Variants in KANK1 observed in about 807,000 individuals in gnomAD.
KANK1 encodes KN motif and ankyrin repeat domains 1, also known as KN motif and ankyrin repeat domain-containing protein 1.
In KANK1, 109 loss-of-function variants were observed where a neutral mutation model predicts 106.2. That is an observed-to-expected ratio of 1.03 (90% CI 0.88 to 1.20). KANK1 has a LOEUF of 1.20. Ranked by LOEUF, KANK1 falls within the 50% of genes most tolerant of loss-of-function variation. KANK1 has a pLI of 0.00. For missense variants in KANK1, 2,399 were observed against 1,710.7 expected, an observed-to-expected ratio of 1.40 and a Z score of -7.10; for synonymous variants, 873 against 652.2, an observed-to-expected ratio of 1.34 and a Z score of -5.16.
At chr9:489,282 G>A (rs554359359) in intron 3 of KANK1, among the ~76,000 whole-genome samples, 12 of 152,188 alleles carry the variant, frequency 7.9e-5, no homozygotes, top group African/African-American at 2.2e-4. Context: ...CTTTCTGATC[G>A]TTTTGCCAAG....
At chr9:478,037 A>G in intron 3 of KANK1, 1 of 172,148 alleles carries the variant, frequency 5.8e-6, no homozygotes, top group South Asian at 1.3e-4. Flanking sequence ...ATTACAATGA[A>G]ACTGACCATT....
chr9:537,755 G>C (rs1395807866), intron 1 of KANK1, among the ~76,000 whole-genome samples: 1 of 152,192 alleles, frequency 6.6e-6, no homozygotes, highest in Admixed American at 6.5e-5. Flanking sequence ...TTTTGGGGAG[G>C]GGTGCTACTG....
chr9:647,819 C>G (rs1192765665), intron 1 of KANK1, among the ~76,000 whole-genome samples: 1 of 150,282 alleles, frequency 6.7e-6, no homozygotes, highest in Non-Finnish European at 1.5e-5. Flanking sequence ...GCCCGCAATC[C>G]CAGATCTTCC....
intron 2 of KANK1, chr9:684,389 G>T (rs777336536): frequency 3.0e-6 from 3 of 985,208 alleles, no homozygotes; most frequent in Non-Finnish European, 3.6e-6. Context: ...CTTTATAGGT[G>T]CCAACAAGAA....
intron 8 of KANK1, 116 bp from the exon 9 acceptor site, chr9:740,676 C>G: frequency 8.7e-7 from 1 of 1,151,824 alleles, no homozygotes; most frequent in Non-Finnish European, 1.2e-6. Context: ...TGGTCTCCAG[C>G]CACCTGGTAC....
intron 1 of KANK1, among the ~76,000 whole-genome samples, chr9:650,119 G>C (rs1264608070): frequency 6.6e-6 from 1 of 152,126 alleles, no homozygotes; most frequent in Non-Finnish European, 1.5e-5. Context: ...TTACTTTACT[G>C]TTTTATTAAT....
At chr9:693,108 T>C (rs1432847900) in intron 2 of KANK1, among the ~76,000 whole-genome samples, 1 of 152,204 alleles carries the variant, frequency 6.6e-6, no homozygotes, top group Non-Finnish European at 1.5e-5. Context: ...GAAGATGTTA[T>C]GAATAAAATG....
At chr9:557,259 A>AC (rs1587787951) in intron 1 of KANK1, among the ~76,000 whole-genome samples, 1 of 152,140 alleles carries the variant, frequency 6.6e-6, no homozygotes, top group East Asian at 1.9e-4. Flanking sequence ...GTGAAAAGAT[A>AC]TATTGTTTTG....
At chr9:565,227 A>C (rs973926016) in intron 1 of KANK1, among the ~76,000 whole-genome samples, 12 of 152,022 alleles carry the variant, frequency 7.9e-5, no homozygotes, top group African/African-American at 2.9e-4. Context: ...CACCCATTCA[A>C]CTCCCTGACT....
intron 7 of KANK1, among the ~76,000 whole-genome samples, chr9:736,994 CCA>C (rs1371133401): frequency 6.6e-6 from 1 of 152,198 alleles, no homozygotes; most frequent in East Asian, 1.9e-4. Flanking sequence ...ATGGTGTCAT[CCA>C]CACACACTGT....
chr9:702,793 C>CA (rs1823014985), intron 2 of KANK1, among the ~76,000 whole-genome samples: 1 of 152,144 alleles, frequency 6.6e-6, no homozygotes, highest in Admixed American at 6.6e-5. Flanking sequence ...CTCCTGTACT[C>CA]ATCTTCTTCC....
At chr9:502,811 C>T (rs1310218432), upstream of KANK1, among the ~76,000 whole-genome samples, 1 of 151,974 alleles carries the variant, frequency 6.6e-6, no homozygotes, top group Non-Finnish European at 1.5e-5. Context: ...TAGGTGTGAG[C>T]CAGTGCACCC....
At chr9:523,855 T>C (rs545975550) in intron 1 of KANK1, among the ~76,000 whole-genome samples, 1 of 151,738 alleles carries the variant, frequency 6.6e-6, no homozygotes, top group Admixed American at 6.5e-5. Context: ...CCAGTATTAT[T>C]ATGGAATTTA....
intron 7 of KANK1, among the ~76,000 whole-genome samples, chr9:737,382 G>C (rs1834068072): frequency 6.6e-6 from 1 of 152,176 alleles, no homozygotes. Context: ...TCTGACATAG[G>C]CTGTCTTTCT....
intron 1 of KANK1, among the ~76,000 whole-genome samples, chr9:664,197 A>G (rs987369099): frequency 3.3e-5 from 5 of 152,142 alleles, no homozygotes; most frequent in African/African-American, 9.7e-5. Context: ...ATTTGTACCC[A>G]TTAATCTACT....
chr9:607,934 C>T (rs1829635654), intron 1 of KANK1, among the ~76,000 whole-genome samples: 1 of 150,022 alleles, frequency 6.7e-6, no homozygotes, highest in Admixed American at 6.6e-5. Flanking sequence ...TCCTTGTGAA[C>T]ATCTCTCTGT....
intron 2 of KANK1, among the ~76,000 whole-genome samples, chr9:689,043 C>G (rs914851173): frequency 6.6e-6 from 1 of 152,156 alleles, no homozygotes; most frequent in Non-Finnish European, 1.5e-5. Context: ...TTGTAGTAAT[C>G]TAAGTTAAGG....
intron 1 of KANK1, among the ~76,000 whole-genome samples, chr9:570,735 C>T (rs902790710): frequency 1.3e-5 from 2 of 152,174 alleles, no homozygotes; most frequent in African/African-American, 4.8e-5. Context: ...AGGAAATATG[C>T]ATGCTAATTA....
At chr9:680,370 T>G (rs1461845051) in intron 2 of KANK1, among the ~76,000 whole-genome samples, 1 of 148,584 alleles carries the variant, frequency 6.7e-6, no homozygotes, top group Non-Finnish European at 1.5e-5. Flanking sequence ...CCTTTTATAC[T>G]CTGACTTCCC....
Sources: gnomAD v4.1 joint callset for allele counts (sites outside exome capture counted in the v4.1 genomes callset) on GRCh38, gnomAD v4.1.1 for gene constraint, MANE v1.5 for transcripts, NCBI Gene and HGNC (gene_info 2026-07-23, HGNC 2026-07-21) for gene names.